The following CPNE3 variants were observed in gnomAD, a reference collection of about 807,000 sequenced individuals.
CPNE3 encodes copine-3.
Under a neutral mutation model 63.9 loss-of-function variants are expected in CPNE3, and 68 were observed. That is an observed-to-expected ratio of 1.06 (90% CI 0.87 to 1.30). The LOEUF is 1.30. Ranked by LOEUF, CPNE3 falls within the 50% of genes most tolerant of loss-of-function variation. The pLI is 0.00. For missense variants in CPNE3, 665 were observed against 578.1 expected (o/e 1.15, Z -1.54); for synonymous variants, 219 against 197.5 (o/e 1.11, Z -0.91).
intron 8 of CPNE3, among the ~76,000 whole-genome samples, chr8:86,543,844 G>A (rs964196080): frequency 6.6e-6 from 1 of 152,088 alleles, no homozygotes; most frequent in African/African-American, 2.4e-5. Flanking sequence ...GGTGTTAAAT[G>A]TTCACAATCA....
At position 86,537,557 on chromosome 8, in the gene CPNE3, A is replaced by G. The variant is rs1465056470; in HGVS notation, c.460-6A>G. On this transcript the variant is annotated splice_polypyrimidine_tract_variant and splice_region_variant and intron_variant, in intron 6 of 16. Coordinates refer to ENST00000517490, the MANE Select transcript of CPNE3 (RefSeq NM_003909.5). Reference sequence around the variant, plus strand: ...AAATGCTTTTTGTTGTTTGTTTTAAATGTAGGATCTATTTGGAAAGTCAGA... The same window carrying G: ...AAATGCTTTTTGTTGTTTGTTTTAAGTGTAGGATCTATTTGGAAAGTCAGA... 5.8e-6 allele frequency: 9 copies of G among 1,564,974 alleles called. No homozygotes were observed. Among genetic ancestry groups the G allele is most frequent in the Non-Finnish European group, 7.0e-6 (8 of 1,135,602 alleles).
chr8:86,523,702 C>T (rs963112922), intron 2 of CPNE3, among the ~76,000 whole-genome samples: 3 of 152,182 alleles, frequency 2.0e-5, no homozygotes, highest in Non-Finnish European at 4.4e-5. Flanking sequence ...TCTCCTGCCT[C>T]AGCCTCCCGA....
At chr8:86,543,897 A>T (rs1820995787) in intron 8 of CPNE3, among the ~76,000 whole-genome samples, 1 of 152,126 alleles carries the variant, frequency 6.6e-6, no homozygotes, top group African/African-American at 2.4e-5. Flanking sequence ...GCTTGGCAAT[A>T]GTTCATGCCA....
chr8:86,547,724 G>A lies in CPNE3; in HGVS notation c.833G>A (p.Cys278Tyr). 7.6e-7 allele frequency: 1 copy of A among 1,315,554 alleles called. No homozygotes were observed. The highest frequency in any genetic ancestry group is 1.2e-5 in the South Asian group (1 of 83,524). The allele number at this position is 1,315,554 out of a possible 1,614,324, so 81.5% of individuals were successfully genotyped here. A position where few individuals can be genotyped will look rare whatever the true frequency, so the allele number is the denominator to read the frequency against. The part of the protein sequence containing the change: ...SVKQCEITVE[C>Y]TFLDYIMGGC... Reference sequence around the variant, plus strand: ...TCTTATTTTTAGATTACAGTAGAATGCACATTCCTTGACTATATAATGGGA... The same window carrying A: ...TCTTATTTTTAGATTACAGTAGAATACACATTCCTTGACTATATAATGGGA... The change falls in exon 11 of 17, where the codon TGC becomes TAC. Residue 278 changes from cysteine to tyrosine, a missense_variant. By Grantham distance (194) the Cys-to-Tyr change is radical. Coordinates refer to ENST00000517490, the MANE Select transcript of CPNE3 (RefSeq NM_003909.5).
rs1821281628 is a variant in CPNE3, at chr8:86,554,885, T to C, written c.1155T>C (p.Cys385=). 6.2e-7 allele frequency: 1 copy of C among 1,614,106 alleles called. No individual in the cohort carries two copies. Among genetic ancestry groups the C allele is most frequent in the Non-Finnish European group, 8.5e-7 (1 of 1,180,046 alleles). Residue 385 remains cysteine (C), a synonymous_variant, in exon 15 of 17, where the codon TGT becomes TGC. Coordinates refer to ENST00000517490, the MANE Select transcript of CPNE3 (RefSeq NM_003909.5). Reference sequence around the variant, plus strand: ...GCATTGTAGAGGCGTATCGGTCTTGTCTTCCTCAGATAAAACTCTATGGAC... The same window carrying C: ...GCATTGTAGAGGCGTATCGGTCTTGCCTTCCTCAGATAAAACTCTATGGAC... ...IQGIVEAYRS[C]LPQIKLYGPT...
chr8:86,552,957 A>C (rs1586850411), intron 14 of CPNE3, among the ~76,000 whole-genome samples: 1 of 4,026 alleles, frequency 2.5e-4, no homozygotes. Flanking sequence ...CTCCTGCCAC[A>C]GCCCGCCCCC....
At position 86,538,196 on chromosome 8, in the gene CPNE3, G is replaced by A. The variant is rs189425626; in HGVS notation, c.543+550G>A. Among the ~76,000 whole-genome samples, 12 of 152,270 alleles carry A rather than the reference G, an allele frequency of 7.9e-5. No individual in the cohort carries two copies. In the East Asian group the frequency reaches 1.7e-3, roughly 22 times the overall value. On this transcript the variant is annotated intron_variant, in intron 7 of 16. Coordinates refer to ENST00000517490, the MANE Select transcript of CPNE3 (RefSeq NM_003909.5). ...TCGAGACCAGCCTGGCCAACATGGT[G>A]AAACCCCGTCTCTACTAAAAATACA...
At position 86,556,925 on chromosome 8, in the gene CPNE3, C is replaced by T. The variant is rs535907168; in HGVS notation, c.1491+587C>T. ...TAAATGGAATCGTACAATATACAAC[C>T]TTTTGGGATTGGCTTTTTTTCCACT... On this transcript the variant is annotated intron_variant, in intron 16 of 16. Coordinates refer to ENST00000517490, the MANE Select transcript of CPNE3 (RefSeq NM_003909.5). Among the ~76,000 whole-genome samples the T allele has an allele frequency of 2.6e-5, 4 of 152,200 alleles. No individual in the cohort carries two copies. In the South Asian group the frequency reaches 8.3e-4, roughly 32 times the overall value.
chr8:86,548,916 G>T (rs1038141426), intron 12 of CPNE3, among the ~76,000 whole-genome samples: 14 of 151,960 alleles, frequency 9.2e-5, no homozygotes, highest in Non-Finnish European at 5.9e-5. Context: ...CTATGTCCTT[G>T]GCAGTTGCCA....
intron 4 of CPNE3, among the ~76,000 whole-genome samples, chr8:86,529,736 T>C (rs1259627012): frequency 6.6e-6 from 1 of 152,180 alleles, no homozygotes; most frequent in East Asian, 1.9e-4. Flanking sequence ...CCCATTTTGC[T>C]CCTAGGTTAA....
chr8:86,539,842 T>G (rs2131466962), intron 7 of CPNE3, among the ~76,000 whole-genome samples: 1 of 152,058 alleles, frequency 6.6e-6, no homozygotes, highest in Non-Finnish European at 1.5e-5. Flanking sequence ...TTTGTATTTT[T>G]TTAGTAGAGA....
At chr8:86,526,952 A>G (rs1015173477) in intron 2 of CPNE3, among the ~76,000 whole-genome samples, 1 of 152,232 alleles carries the variant, frequency 6.6e-6, no homozygotes, top group Non-Finnish European at 1.5e-5. Context: ...AGAGAGTTCA[A>G]TAGAATTATC....
At chr8:86,518,727 TAGG>T (rs1820368326) in intron 2 of CPNE3, among the ~76,000 whole-genome samples, 1 of 152,124 alleles carries the variant, frequency 6.6e-6, no homozygotes, top group African/African-American at 2.4e-5. Context: ...TTTTTCTGCT[TAGG>T]TAGCTAATAA....
chr8:86,530,070 A>G (rs1370697411), intron 4 of CPNE3, among the ~76,000 whole-genome samples: 1 of 152,078 alleles, frequency 6.6e-6, no homozygotes, highest in Non-Finnish European at 1.5e-5. Context: ...TCAGATGTAT[A>G]TCTGTTTGAA....
chr8:86,552,958 GCCCGCCCCCCCCCCCCC>G lies in CPNE3; in HGVS notation c.1120+1732_1120+1748del, dbSNP rs1461192006. Among the ~76,000 whole-genome samples, 10 of 3,242 alleles carry G rather than the reference GCCCGCCCCCCCCCCCCC, an allele frequency of 3.1e-3. 4 individuals are homozygous for G. The highest frequency in any genetic ancestry group is 0.018 in the Admixed American group (2 of 114). The allele number at this position is 3,242 out of a possible 152,430, so 2.1% of individuals were successfully genotyped here. A position where few individuals can be genotyped will look rare whatever the true frequency, so the allele number is the denominator to read the frequency against. ...GGGTTCAAGCAATTCTCCTGCCACA[GCCCGCCCCCCCCCCCCC>G]CCCGCCCACAACCGAGTAGCTGGGA... On this transcript the variant is annotated intron_variant, in intron 14 of 16. Transcript: ENST00000517490.
intron 14 of CPNE3, among the ~76,000 whole-genome samples, chr8:86,553,700 G>A (rs1012104279): frequency 6.7e-6 from 1 of 148,278 alleles, no homozygotes; most frequent in Non-Finnish European, 1.5e-5. Context: ...GTTGATCTGT[G>A]TTCTCTTAGA....
At position 86,549,476 on chromosome 8, in the gene CPNE3, A is replaced by T. The variant is rs191419042; in HGVS notation, c.1013+1042A>T. The stretch of plus-strand genomic sequence containing the variant: ...GTGGAACCAAGCAAACAGTCCAGAA[A>T]TAGACCCATGCATATAAGTGAATTT... On this transcript the variant is annotated intron_variant, in intron 12 of 16. Transcript: ENST00000517490. 7.2e-5 allele frequency among the ~76,000 whole-genome samples: 11 copies of T among 152,330 alleles called. No individual in the cohort carries two copies. In the East Asian group the frequency reaches 2.1e-3, roughly 29 times the overall value.
intron 14 of CPNE3, among the ~76,000 whole-genome samples, chr8:86,551,803 C>G (rs1413102510): frequency 6.6e-6 from 1 of 151,894 alleles, no homozygotes; most frequent in Admixed American, 6.6e-5. Context: ...AAATATTTGT[C>G]TTTCATTTCA....
In CPNE3 at chr8:86,528,526, G is replaced by A. The variant is rs1357843021; in HGVS notation, c.-10-10G>A. 6.2e-7 allele frequency: 1 copy of A among 1,610,596 alleles called. No individual in the cohort carries two copies. Among genetic ancestry groups the A allele is most frequent in the Non-Finnish European group, 8.5e-7 (1 of 1,179,220 alleles). Reference sequence around the variant, plus strand: ...TTTTACTTGCTTTCTCTTTTTATTGGTTTTCTCAGAACTCAAGACATGGCT... The same window carrying A: ...TTTTACTTGCTTTCTCTTTTTATTGATTTTCTCAGAACTCAAGACATGGCT... On this transcript the variant is annotated splice_polypyrimidine_tract_variant and intron_variant, in intron 2 of 16. Transcript: ENST00000517490.
Sources: allele counts gnomAD v4.1 joint callset (sites outside exome capture counted in the v4.1 genomes callset), GRCh38; gene constraint gnomAD v4.1.1; transcripts MANE v1.5; gene names NCBI Gene and HGNC (gene_info 2026-07-23, HGNC 2026-07-21).